The following TPX2 variants were observed in gnomAD, a reference collection of about 807,000 sequenced individuals.
The protein encoded by TPX2 is TPX2 microtubule nucleation factor.
In TPX2, 21 loss-of-function variants were observed where a neutral mutation model predicts 93.6. The observed-to-expected ratio is 0.22, with a 90% CI of 0.16 to 0.32. The LOEUF is 0.32. TPX2 is among the 10% of genes least tolerant of loss of function. The pLI, the probability that TPX2 is intolerant of heterozygous loss-of-function variation, is 1.00. For synonymous variants in TPX2, 281 were observed against 298.3 expected (o/e 0.94, Z 0.60); for missense variants, 776 against 871.1 (o/e 0.89, Z 1.37).
At chr20:31,754,544 T>G (rs1472886814) in intron 2 of TPX2, among the ~76,000 whole-genome samples, 1 of 151,980 alleles carries the variant, frequency 6.6e-6, no homozygotes, top group Non-Finnish European at 1.5e-5. Flanking sequence ...GTGCCCAGAG[T>G]TGGGGAGAGT....
In TPX2 at chr20:31,782,239, C is replaced by G; in HGVS notation, c.1055-10C>G. 6.2e-7 allele frequency: 1 copy of G among 1,601,870 alleles called. No homozygotes were observed. Among genetic ancestry groups the G allele is most frequent in the Non-Finnish European group, 8.5e-7 (1 of 1,174,584 alleles). ...GGATCTAGATGAACATCTGTCATCTCTGTTTACAGACCTGTTACCCTCCAA... is the reference window on the plus strand; with the variant it reads ...GGATCTAGATGAACATCTGTCATCTGTGTTTACAGACCTGTTACCCTCCAA... On this transcript the variant is annotated splice_polypyrimidine_tract_variant and intron_variant, in intron 10 of 17. Transcript: ENST00000300403.
intron 2 of TPX2, among the ~76,000 whole-genome samples, chr20:31,752,521 A>G (rs766172498): frequency 6.6e-6 from 1 of 152,250 alleles, no homozygotes; most frequent in African/African-American, 2.4e-5. Flanking sequence ...TTCATACTGT[A>G]TAATTTAAAC....
At chr20:31,799,678 T>C (rs1016950165) in intron 17 of TPX2, among the ~76,000 whole-genome samples, 7 of 151,948 alleles carry the variant, frequency 4.6e-5, no homozygotes, top group African/African-American at 1.7e-4. Context: ...GGTGGGTGGA[T>C]CACTTGAGGT....
At chr20:31,783,978 C>T in intron 12 of TPX2, 57 bp downstream of exon 12, 3 of 1,566,264 alleles carry the variant, frequency 1.9e-6, no homozygotes, top group Non-Finnish European at 2.6e-6. Context: ...CAGATATCCA[C>T]CCATTCACAC....
chr20:31,748,973 T>C (rs2061801388), intron 2 of TPX2, among the ~76,000 whole-genome samples: 2 of 149,498 alleles, frequency 1.3e-5, no homozygotes, highest in Non-Finnish European at 3.0e-5. Context: ...TGAGACAGAG[T>C]CTTGCTTTGT....
At chr20:31,744,641 TC>T (rs1176016244) in intron 2 of TPX2, among the ~76,000 whole-genome samples, 1 of 152,104 alleles carries the variant, frequency 6.6e-6, no homozygotes, top group Admixed American at 6.6e-5. Flanking sequence ...CAAGTGATCT[TC>T]CTGCCTTAGC....
intron 2 of TPX2, among the ~76,000 whole-genome samples, chr20:31,744,305 G>T (rs1204296723): frequency 6.6e-6 from 1 of 151,110 alleles, no homozygotes; most frequent in East Asian, 2.0e-4. Flanking sequence ...TGGGATTACA[G>T]GCACCCGCAA....
chr20:31,772,852 T>G (rs1214223044), intron 7 of TPX2, among the ~76,000 whole-genome samples: 1 of 152,138 alleles, frequency 6.6e-6, no homozygotes, highest in Non-Finnish European at 1.5e-5. Context: ...TTTCTTTGAG[T>G]GATCTTCTCA....
chr20:31,754,335 C>T (rs1270495837), intron 2 of TPX2, among the ~76,000 whole-genome samples: 1 of 152,156 alleles, frequency 6.6e-6, no homozygotes, highest in Non-Finnish European at 1.5e-5. Flanking sequence ...CCCGCCGCGT[C>T]CTCCCAAAGT....
chr20:31,792,600 CCAGGAGTTTGAGACCAGCTGGG>C (rs1449563903), intron 12 of TPX2, 113 bp from the exon 13 acceptor site: 3 of 798,338 alleles, frequency 3.8e-6, no homozygotes, highest in Non-Finnish European at 6.2e-6. Flanking sequence ...TTGCCTGAGC[CCAGGAGTTTGAGACCAGCTGGG>C]CAACATAGTG....
chr20:31,757,398 T>C lies in TPX2; in HGVS notation c.-70-9T>C. 1 of 1,160,456 alleles carries C rather than the reference T, an allele frequency of 8.6e-7. No individual in the cohort carries two copies. Among genetic ancestry groups the C allele is most frequent in the South Asian group, 1.4e-5 (1 of 74,020 alleles). The allele number at this position is 1,160,456 out of a possible 1,614,324, so 71.9% of individuals were successfully genotyped here. ...ACTTAGATTTATGTGCAACCATTTC[T>C]TTCCTCAGAAGGTGACCTGCTGAGA... On this transcript the variant is annotated splice_polypyrimidine_tract_variant and intron_variant, in intron 2 of 17. Coordinates refer to ENST00000300403, the MANE Select transcript of TPX2 (RefSeq NM_012112.5).
At chr20:31,763,185 G>A (rs900739215) in intron 4 of TPX2, among the ~76,000 whole-genome samples, 1 of 151,588 alleles carries the variant, frequency 6.6e-6, no homozygotes, top group East Asian at 1.9e-4. Flanking sequence ...TGAATTTTAG[G>A]TTTTTTTTCT....
chr20:31,749,586 A>G (rs1012269182), intron 2 of TPX2, among the ~76,000 whole-genome samples: 7 of 151,978 alleles, frequency 4.6e-5, no homozygotes, highest in Non-Finnish European at 8.8e-5. Context: ...ACTTGAGGTC[A>G]GGAGTTCAAG....
rs531420030 is a variant in TPX2, at chr20:31,739,435, C to T, written c.-364C>T. The T allele has an allele frequency of 3.3e-5, 5 of 152,322 alleles. No homozygotes were observed. The highest frequency in any genetic ancestry group is 1.2e-4 in the African/African-American group (5 of 41,576). 9.4% of individuals were successfully genotyped at this position (152,322 alleles called of 1,614,324 possible). Reference sequence around the variant, plus strand: ...GAACGGCTGAAGTTCACCTTCCAGCCCCTAGCGCCGTTCGCGCCGCTAGGC... The same window carrying T: ...GAACGGCTGAAGTTCACCTTCCAGCTCCTAGCGCCGTTCGCGCCGCTAGGC... On this transcript the variant is annotated 5_prime_UTR_variant, in exon 1 of 18. Transcript: ENST00000300403.
chr20:31,770,370 G>A lies in TPX2; in HGVS notation c.384G>A (p.Lys128=). 6.3e-7 allele frequency: 1 copy of A among 1,599,976 alleles called. No homozygotes were observed. Among genetic ancestry groups the A allele is most frequent in the Non-Finnish European group, 8.5e-7 (1 of 1,172,838 alleles). Residue 128 remains lysine (K), a synonymous_variant, in exon 6 of 18, where the codon AAG becomes AAA. Coordinates refer to ENST00000300403, the MANE Select transcript of TPX2 (RefSeq NM_012112.5). The part of the protein sequence containing the change: ...QRRSLRLSAQ[K]DLEQKEKHHV... ...GATCTCTTAGGCTTTCTGCTCAGAA[G>A]GATTTGGAACAGAAAGAAAAGCATC...
At chr20:31,771,526 T>C (rs1568587889) in intron 6 of TPX2, 34 bp from the exon 7 acceptor site, 1 of 1,603,852 alleles carries the variant, frequency 6.2e-7, no homozygotes. Flanking sequence ...CTTCAGGGAA[T>C]TGAAAACATA....
chr20:31,748,025 T>A (rs1353631369), intron 2 of TPX2, among the ~76,000 whole-genome samples: 1 of 152,146 alleles, frequency 6.6e-6, no homozygotes, highest in Non-Finnish European at 1.5e-5. Flanking sequence ...TTTCGTTTTC[T>A]TGATGTACTT....
intron 3 of TPX2, among the ~76,000 whole-genome samples, chr20:31,759,800 T>G (rs2061877234): frequency 1.3e-5 from 2 of 152,114 alleles, no homozygotes; most frequent in African/African-American, 4.8e-5. Flanking sequence ...GATAAGGAGT[T>G]ATTCACAATG....
intron 2 of TPX2, among the ~76,000 whole-genome samples, chr20:31,756,562 T>C (rs2122977322): frequency 6.6e-6 from 1 of 152,182 alleles, no homozygotes; most frequent in South Asian, 2.1e-4. Flanking sequence ...GTGTAGATAC[T>C]TATCAAACTT....
Sources: allele counts gnomAD v4.1 joint callset (sites outside exome capture counted in the v4.1 genomes callset), GRCh38; gene constraint gnomAD v4.1.1; transcripts MANE v1.5; gene names NCBI Gene and HGNC (gene_info 2026-07-23, HGNC 2026-07-21).